Variants in SSPN observed in about 807,000 individuals in gnomAD.
The protein encoded by SSPN is sarcospan.
A neutral mutation model predicts 19.1 loss-of-function variants in SSPN; 15 were observed. The observed-to-expected ratio is 0.78, with a 90% CI of 0.52 to 1.21. The LOEUF is 1.21. Ranked by LOEUF, SSPN falls within the 50% of genes most tolerant of loss-of-function variation. The pLI, the probability that SSPN is intolerant of heterozygous loss-of-function variation, is 0.00. For synonymous variants in SSPN, 147 were observed against 140.3 expected (o/e 1.05, Z -0.34); for missense variants, 291 against 314.0 (o/e 0.93, Z 0.55).
intron 1 of SSPN, chr12:26,124,445 G>T: frequency 6.7e-7 from 1 of 1,492,922 alleles, no homozygotes; most frequent in Non-Finnish European, 9.3e-7. Flanking sequence ...TGCGGGCAGA[G>T]CTTCACTGTG....
chr12:26,122,168 C>T, intron 1 of SSPN: 1 of 1,532,060 alleles, frequency 6.5e-7, no homozygotes, highest in Non-Finnish European at 8.8e-7. Flanking sequence ...TGCGGCCGTG[C>T]GGGTGCTGGG....
chr12:26,123,326 G>A (rs1337582248), intron 1 of SSPN, among the ~76,000 whole-genome samples: 2 of 152,152 alleles, frequency 1.3e-5, no homozygotes, highest in East Asian at 1.9e-4. Context: ...CAGTTGACGA[G>A]AGAAGCGGGG....
chr12:26,198,174 G>A (rs544894841), intron 1 of SSPN, among the ~76,000 whole-genome samples: 2 of 148,856 alleles, frequency 1.3e-5, no homozygotes, highest in Non-Finnish European at 3.0e-5. Context: ...TTTGGGGGGG[G>A]GTTTTTGGAG....
intron 1 of SSPN, among the ~76,000 whole-genome samples, chr12:26,160,536 A>T (rs538635733): frequency 1.2e-4 from 19 of 152,346 alleles, no homozygotes; most frequent in African/African-American, 4.6e-4. Context: ...CACTTTGAAA[A>T]ATTATGCAAG....
At position 26,125,044 on chromosome 12, in the gene SSPN, G is replaced by A; in HGVS notation, c.-31+2892G>A. ...TCACTCCAGGCAGTGTTTGGCCACAGGGCACGCGCGTCGCCGGCCAGACCA... is the reference window on the plus strand; with the variant it reads ...TCACTCCAGGCAGTGTTTGGCCACAAGGCACGCGCGTCGCCGGCCAGACCA... On this transcript the variant is annotated intron_variant, in intron 1 of 2. Transcript: ENST00000538142. 9 of 563,430 alleles carry A rather than the reference G, an allele frequency of 1.6e-5. No homozygotes were observed. The South Asian group carries it at 1.7e-4, about 11-fold the overall frequency. 34.9% of individuals were successfully genotyped at this position (563,430 alleles called of 1,614,324 possible).
chr12:26,175,449 A>C (rs868040765), intron 1 of SSPN, among the ~76,000 whole-genome samples: 1 of 152,184 alleles, frequency 6.6e-6, no homozygotes, highest in African/African-American at 2.4e-5. Context: ...GTTCTTTATC[A>C]ATATGTGATT....
upstream of SSPN, among the ~76,000 whole-genome samples, chr12:26,190,817 G>A (rs2137451237): frequency 6.6e-6 from 1 of 152,236 alleles, no homozygotes; most frequent in East Asian, 1.9e-4. Context: ...GATCATAAGT[G>A]TTGTTCAATG....
chr12:26,144,157 T>A (rs1944476436), intron 1 of SSPN, among the ~76,000 whole-genome samples: 1 of 152,252 alleles, frequency 6.6e-6, no homozygotes, highest in African/African-American at 2.4e-5. Flanking sequence ...GGAAAAATTG[T>A]CTTCCATGAA....
At chr12:26,143,128 C>T (rs770903093) in intron 1 of SSPN, among the ~76,000 whole-genome samples, 6 of 152,100 alleles carry the variant, frequency 3.9e-5, no homozygotes, top group Non-Finnish European at 7.4e-5. Flanking sequence ...ATTAATATGG[C>T]CACTGAATAT....
At chr12:26,145,670 A>G (rs368897912) in intron 1 of SSPN, among the ~76,000 whole-genome samples, 7 of 152,182 alleles carry the variant, frequency 4.6e-5, no homozygotes, top group Non-Finnish European at 1.0e-4. Context: ...AGTCTTGGAC[A>G]TGGGCATGCA....
chr12:26,231,770 G>A lies in SSPN; in HGVS notation c.*694G>A. 1 of 249,630 alleles carries A rather than the reference G, an allele frequency of 4.0e-6. No individual in the cohort carries two copies. The highest frequency in any genetic ancestry group is 6.4e-6 in the Non-Finnish European group (1 of 157,284). The allele number at this position is 249,630 out of a possible 1,614,324, so 15.5% of individuals were successfully genotyped here. ...GCCTCTCAATAATTGAAAGGTGGTGGTAGTTGTATTCTAAATGATGTAGAA... is the reference window on the plus strand; with the variant it reads ...GCCTCTCAATAATTGAAAGGTGGTGATAGTTGTATTCTAAATGATGTAGAA... On this transcript the variant is annotated 3_prime_UTR_variant, in exon 3 of 3. Coordinates refer to ENST00000242729, the MANE Select transcript of SSPN (RefSeq NM_005086.5).
At chr12:26,142,279 G>T (rs73082946) in intron 1 of SSPN, among the ~76,000 whole-genome samples, 1,660 of 152,300 alleles carry the variant, frequency 0.011, 11 homozygotes, top group Non-Finnish European at 0.017. Context: ...TATATTGAAG[G>T]GGAGGTAATG....
intron 1 of SSPN, among the ~76,000 whole-genome samples, chr12:26,201,031 A>ATATAT (rs1555179557): frequency 0.017 from 1,030 of 60,392 alleles, 13 homozygotes; most frequent in East Asian, 0.045. Context: ...ATATATATAT[A>ATATAT]TATATATATA....
intron 1 of SSPN, among the ~76,000 whole-genome samples, chr12:26,222,958 C>G (rs1945138455): frequency 1.3e-5 from 2 of 152,074 alleles, no homozygotes; most frequent in South Asian, 4.2e-4. Context: ...CTATGCCTGT[C>G]CTCCCCATCT....
chr12:26,159,306 T>A (rs1021037765), intron 1 of SSPN, among the ~76,000 whole-genome samples: 1 of 152,244 alleles, frequency 6.6e-6, no homozygotes, highest in Non-Finnish European at 1.5e-5. Flanking sequence ...AATTTAGTCA[T>A]GCAGGCAGGA....
chr12:26,127,243 C>T (rs2137393902), intron 1 of SSPN, among the ~76,000 whole-genome samples: 1 of 152,288 alleles, frequency 6.6e-6, no homozygotes, highest in East Asian at 1.9e-4. Context: ...GCTAAAAACA[C>T]AAGGCAGACA....
chr12:26,124,253 GCCCCCCCC>G, intron 1 of SSPN: 3 of 785,880 alleles, frequency 3.8e-6, no homozygotes, highest in Admixed American at 2.1e-5. Context: ...ACCCTCGTCT[GCCCCCCCC>G]GCCCCCCCAC....
chr12:26,123,668 G>A (rs1565665312), intron 1 of SSPN: 2 of 1,614,042 alleles, frequency 1.2e-6, no homozygotes, highest in African/African-American at 1.3e-5. Context: ...CTGTTGCTCG[G>A]TTAAGGCGGT....
chr12:26,190,650 T>C (rs1411560335), upstream of SSPN, among the ~76,000 whole-genome samples: 1 of 152,202 alleles, frequency 6.6e-6, no homozygotes, highest in East Asian at 1.9e-4. Flanking sequence ...GGATCTAGAA[T>C]GGCAGTAGAG....
Sources: gnomAD v4.1 joint callset for allele counts (sites outside exome capture counted in the v4.1 genomes callset) on GRCh38, gnomAD v4.1.1 for gene constraint, MANE v1.5 for transcripts, NCBI Gene and HGNC (gene_info 2026-07-23, HGNC 2026-07-21) for gene names.